Variants in SLC33A1 observed in about 807,000 individuals in gnomAD.
SLC33A1 encodes solute carrier family 33 member 1.
In SLC33A1, 20 loss-of-function variants were observed where a neutral mutation model predicts 50.0. The ratio of observed to expected loss-of-function variants is 0.40; its 90% CI spans 0.28 to 0.58. SLC33A1 has a LOEUF of 0.58. Among genes scored for constraint, SLC33A1 ranks in the 20% least tolerant of loss-of-function variants. The pLI is 0.44. For synonymous variants in SLC33A1, 265 were observed against 251.8 expected, an observed-to-expected ratio of 1.05 and a Z score of -0.50; for missense variants, 476 against 657.0, an observed-to-expected ratio of 0.72 and a Z score of 3.01.
intron 2 of SLC33A1, among the ~76,000 whole-genome samples, chr3:155,839,864 G>A (rs1009153237): frequency 6.6e-6 from 1 of 151,732 alleles, no homozygotes; most frequent in Non-Finnish European, 1.5e-5. Flanking sequence ...AGAATTGTTT[G>A]AACAAGGGAG....
intron 1 of SLC33A1, among the ~76,000 whole-genome samples, chr3:155,849,415 T>C (rs1207874778): frequency 6.6e-6 from 1 of 152,032 alleles, no homozygotes. Context: ...GAAAGAACAA[T>C]GTTATAAATG....
rs1013865485 is a variant in SLC33A1 at position 155,825,291 on chromosome 3, T to G, written c.*2919A>C. The G allele has an allele frequency of 3.3e-5, 5 of 151,862 alleles. No individual in the cohort carries two copies. The highest frequency in any genetic ancestry group is 6.6e-5 in the Admixed American group (1 of 15,182). The allele number at this position is 151,862 out of a possible 1,614,324, so 9.4% of individuals were successfully genotyped here. ...AAGCTTCCCAAGTAGCTGGGACTAC[T>G]GGTGTGTACCACCATGCCTGGATAA... On this transcript the variant is annotated 3_prime_UTR_variant, in exon 6 of 6. Transcript: ENST00000643144.
chr3:155,843,759 ACATTCTAAGT>A lies in SLC33A1; in HGVS notation c.776-1150_776-1141del, dbSNP rs1427855732. 4.6e-5 allele frequency among the ~76,000 whole-genome samples: 7 copies of A among 152,360 alleles called. No individual in the cohort carries two copies. The East Asian group carries it at 1.4e-3, about 29-fold the overall frequency. Reference sequence around the variant, plus strand: ...TTAGGGAAGTCAAGCTGTCCAAGTTACATTCTAAGTCAGTGGTAAAATTGTGATTTCACAC... The same window carrying A: ...TTAGGGAAGTCAAGCTGTCCAAGTTACAGTGGTAAAATTGTGATTTCACAC... On this transcript the variant is annotated intron_variant, in intron 1 of 5. Coordinates refer to ENST00000643144, the MANE Select transcript of SLC33A1 (RefSeq NM_004733.4).
At chr3:155,844,457 ATTT>A (rs869180951) in intron 1 of SLC33A1, among the ~76,000 whole-genome samples, 9 of 33,572 alleles carry the variant, frequency 2.7e-4, no homozygotes, top group East Asian at 1.0e-3. Context: ...ATATATATAT[ATTT>A]TTTTTTTTTT....
intron 1 of SLC33A1, among the ~76,000 whole-genome samples, chr3:155,846,701 C>A (rs1753190762): frequency 6.6e-6 from 1 of 151,560 alleles, no homozygotes; most frequent in Non-Finnish European, 1.5e-5. Flanking sequence ...GATCCACCCA[C>A]CTCGGCCTCC....
rs779467886 is a variant in SLC33A1 at position 155,829,907 on chromosome 3, C to T, written c.1267-4G>A. 98 of 1,581,978 alleles carry T rather than the reference C, an allele frequency of 6.2e-5. No homozygotes were observed. The highest frequency in any genetic ancestry group is 8.9e-5 in the South Asian group (8 of 90,328). ...CATACATGCTGTACACTGTAACCTACGGAAAAATGTAAAACATCTTTAGTA... is the reference window on the plus strand; with the variant it reads ...CATACATGCTGTACACTGTAACCTATGGAAAAATGTAAAACATCTTTAGTA... On this transcript the variant is annotated splice_region_variant and splice_polypyrimidine_tract_variant and intron_variant, in intron 4 of 5. Transcript: ENST00000643144.
At chr3:155,840,991 AT>A (rs1251867222) in intron 2 of SLC33A1, among the ~76,000 whole-genome samples, 3 of 143,532 alleles carry the variant, frequency 2.1e-5, no homozygotes, top group Non-Finnish European at 4.4e-5. Context: ...CTCAAAAAAA[AT>A]ATATATATAT....
chr3:155,824,676 C>A lies in SLC33A1; in HGVS notation c.*3534G>T, dbSNP rs1371409051. The A allele has an allele frequency of 6.6e-6, 1 of 151,718 alleles. No homozygotes were observed. Among genetic ancestry groups the A allele is most frequent in the African/African-American group, 2.4e-5 (1 of 41,234 alleles). The allele number at this position is 151,718 out of a possible 1,614,324, so 9.4% of individuals were successfully genotyped here. A position where few individuals can be genotyped will look rare whatever the true frequency, so the allele number is the denominator to read the frequency against. ...TATTACCTCAGATTTGTGATTATGG[C>A]TTATAGTACGGTCTACTTTCAAAAC... On this transcript the variant is annotated 3_prime_UTR_variant, in exon 6 of 6. Transcript: ENST00000643144.
Position 155,829,756 on chromosome 3 carries a change from C to G in SLC33A1, c.1414G>C (p.Asp472His), listed in dbSNP as rs762449972. The G allele has an allele frequency of 1.1e-5, 17 of 1,614,076 alleles. No individual in the cohort carries two copies. The highest frequency in any genetic ancestry group is 1.4e-5 in the Non-Finnish European group (16 of 1,179,992). ...ACACACTCTTTTACTGTGAGGGGATCTACAAGCCAAAGAGCTACTGTAGAA... is the reference window on the plus strand; with the variant it reads ...ACACACTCTTTTACTGTGAGGGGATGTACAAGCCAAAGAGCTACTGTAGAA... ...WPSTVALWLV[D>H]PLTVKECVGA... Residue 472 changes from aspartate (D) to histidine (H), a missense_variant, in exon 5 of 6, where the codon GAT becomes CAT. Coordinates refer to ENST00000643144, the MANE Select transcript of SLC33A1 (RefSeq NM_004733.4).
At chr3:155,844,034 C>G (rs935931935) in intron 1 of SLC33A1, among the ~76,000 whole-genome samples, 14 of 152,096 alleles carry the variant, frequency 9.2e-5, no homozygotes, top group African/African-American at 3.4e-4. Flanking sequence ...GACCCTAAGT[C>G]ACCTCTTCTC....
chr3:155,843,778 A>C (rs1397355619), intron 1 of SLC33A1, among the ~76,000 whole-genome samples: 2 of 152,200 alleles, frequency 1.3e-5, no homozygotes, highest in African/African-American at 2.4e-5. Flanking sequence ...GTCAGTGGTA[A>C]AATTGTGATT....
intron 2 of SLC33A1, among the ~76,000 whole-genome samples, chr3:155,840,060 A>G (rs920252309): frequency 5.9e-5 from 9 of 152,092 alleles, no homozygotes; most frequent in African/African-American, 2.2e-4. Flanking sequence ...AAATATACCA[A>G]GAAGGTCAAT....
At chr3:155,829,592 T>C in intron 5 of SLC33A1, 96 bp downstream of exon 5, 1 of 894,284 alleles carries the variant, frequency 1.1e-6, no homozygotes, top group Non-Finnish European at 1.8e-6. Context: ...TGGACAGATA[T>C]GATTTTTAAA....
chr3:155,840,672 G>C (rs1436958534), intron 2 of SLC33A1, among the ~76,000 whole-genome samples: 2 of 152,046 alleles, frequency 1.3e-5, no homozygotes, highest in Non-Finnish European at 2.9e-5. Flanking sequence ...AAATTAGCTG[G>C]GCCTGGTGGC....
Position 155,853,524 on chromosome 3 carries a change from T to A in SLC33A1, c.474A>T (p.Leu158Phe). 6.2e-7 allele frequency: 1 copy of A among 1,614,018 alleles called. No individual in the cohort carries two copies. ...CAAGCAAACGGTCCACCTGAGTGGA[T>A]AAATAGATCATGAAGAGTCCTAGTA... ...QYILGLFMIY[L>F]STQVDRLLGN... Residue 158 changes from leucine (L) to phenylalanine (F), a missense_variant, in exon 1 of 6, where the codon TTA (leucine) becomes TTT (phenylalanine). Leu to Phe is a conservative substitution (Grantham distance 22). Transcript: ENST00000643144.
intron 1 of SLC33A1, among the ~76,000 whole-genome samples, chr3:155,845,991 A>C (rs1753155569): frequency 6.6e-6 from 1 of 152,244 alleles, no homozygotes; most frequent in East Asian, 1.9e-4. Flanking sequence ...TTCAAGTTTC[A>C]TAAACATGAT....
At chr3:155,833,414 TTCC>T in intron 4 of SLC33A1, 51 bp downstream of exon 4, 1 of 872,338 alleles carries the variant, frequency 1.1e-6, no homozygotes, top group Non-Finnish European at 2.0e-6. Flanking sequence ...GAAAGCTGTC[TTCC>T]TTATTTTACA....
rs1577483394 is a variant in SLC33A1, at chr3:155,854,166, A to G, written c.-169T>C. On this transcript the variant is annotated 5_prime_UTR_variant, in exon 1 of 6. Transcript: ENST00000643144. The stretch of plus-strand genomic sequence containing the variant: ...CTTCTTACTGCAGCCCGGAGTGCTG[A>G]AGCCGGGAGCCAGTCCTCTGGCTAG... 3.8e-6 allele frequency: 2 copies of G among 519,896 alleles called. No individual in the cohort carries two copies. Among genetic ancestry groups the G allele is most frequent in the Non-Finnish European group, 3.3e-6 (1 of 302,684 alleles). The allele number at this position is 519,896 out of a possible 1,614,324, so 32.2% of individuals were successfully genotyped here. A position where few individuals can be genotyped will look rare whatever the true frequency, so the allele number is the denominator to read the frequency against.
chr3:155,830,524 G>T (rs1752386268), intron 4 of SLC33A1, among the ~76,000 whole-genome samples: 1 of 152,074 alleles, frequency 6.6e-6, no homozygotes, highest in Non-Finnish European at 1.5e-5. Flanking sequence ...ACTGTAAATA[G>T]AAGTGCACAC....
Sources: allele counts gnomAD v4.1 joint callset (sites outside exome capture counted in the v4.1 genomes callset), GRCh38; gene constraint gnomAD v4.1.1; transcripts MANE v1.5; gene names NCBI Gene and HGNC (gene_info 2026-07-23, HGNC 2026-07-21).